ITGB2: variants seen among roughly 807,000 people sequenced by gnomAD.
The protein encoded by ITGB2 is integrin subunit beta 2.
In ITGB2, 56 loss-of-function variants were observed where a neutral mutation model predicts 86.8. The observed-to-expected ratio is 0.65, with a 90% confidence interval of 0.52 to 0.81. The LOEUF is 0.81. ITGB2 is among the 30% of genes least tolerant of loss of function. The pLI is 0.00. For missense variants in ITGB2, 948 were observed against 1,061.2 expected (o/e 0.89, Z 1.48); for synonymous variants, 457 against 450.4 (o/e 1.01, Z -0.19).
chr21:44,903,573 C>T, intron 4 of ITGB2, 38 bp from the exon 5 acceptor site: 6 of 1,612,614 alleles, frequency 3.7e-6, no homozygotes, highest in Non-Finnish European at 5.1e-6. Flanking sequence ...CCACACCTCA[C>T]ATCTCACACA....
chr21:44,927,094 C>T (rs1287959098), intron 1 of ITGB2: 3 of 152,474 alleles, frequency 2.0e-5, no homozygotes, highest in African/African-American at 7.2e-5. Context: ...CCCAGCTTCC[C>T]TTCGCCCAGC....
rs138714119 is a variant in ITGB2, at chr21:44,886,773, C to T, written c.2210G>A (p.Arg737His). The change falls in exon 15 of 16, where the codon CGC becomes CAC. Residue 737 changes from arginine to histidine, a missense_variant. Transcript: ENST00000652462. ...GGACTTGAGCTTCTCCTTCTCAAAG[C>T]GCCTGTACTCCCGGAGGTCGCTCAG... ...IHLSDLREYR[R>H]FEKEKLKSQW... 63 of 1,613,926 alleles carry T rather than the reference C, an allele frequency of 3.9e-5. No individual in the cohort carries two copies. Among genetic ancestry groups the T allele is most frequent in the Non-Finnish European group, 4.7e-5 (55 of 1,180,030 alleles).
chr21:44,906,034 G>C (rs1293808148), intron 4 of ITGB2, among the ~76,000 whole-genome samples: 1 of 152,036 alleles, frequency 6.6e-6, no homozygotes, highest in African/African-American at 2.4e-5. Context: ...ACTGTGGCCT[G>C]GGAGGTCACA....
rs193247485 is a variant in ITGB2 at position 44,893,990 on chromosome 21, G to C, written c.1084-446C>G. The C allele has an allele frequency of 2.7e-4, 80 of 294,172 alleles. 1 individual carries two copies. The highest frequency in any genetic ancestry group is 1.6e-3 in the African/African-American group (76 of 46,178). The allele number at this position is 294,172 out of a possible 1,614,324, so 18.2% of individuals were successfully genotyped here. A position where few individuals can be genotyped will look rare whatever the true frequency, so the allele number is the denominator to read the frequency against. ...GACAGAGACAGACAGAGATGGGGCAGAGACAGAGAGAGACAGACAGAGAGA... is the reference window on the plus strand; with the variant it reads ...GACAGAGACAGACAGAGATGGGGCACAGACAGAGAGAGACAGACAGAGAGA... On this transcript the variant is annotated intron_variant, in intron 9 of 15. Transcript: ENST00000652462.
At chr21:44,893,606 C>T (rs943873785) in intron 9 of ITGB2, 62 bp from the exon 10 acceptor site, 11 of 1,604,042 alleles carry the variant, frequency 6.9e-6, no homozygotes, top group Admixed American at 1.7e-5. Flanking sequence ...CCCTGCCTGG[C>T]CCAGCGGTTT....
At chr21:44,897,642 G>A (rs2083888732) in intron 8 of ITGB2, among the ~76,000 whole-genome samples, 1 of 152,220 alleles carries the variant, frequency 6.6e-6, no homozygotes, top group South Asian at 2.1e-4. Flanking sequence ...GGCGTCCTGT[G>A]GTAAGTAACA....
At chr21:44,897,120 C>G (rs183626601) in intron 8 of ITGB2, among the ~76,000 whole-genome samples, 6 of 152,322 alleles carry the variant, frequency 3.9e-5, no homozygotes, top group Non-Finnish European at 7.3e-5. Context: ...CTGCCCCCAT[C>G]CCGTGTCTCC....
chr21:44,889,953 G>T (rs2083761837), intron 12 of ITGB2, 25 bp downstream of exon 12: 1 of 1,612,418 alleles, frequency 6.2e-7, no homozygotes, highest in Non-Finnish European at 8.5e-7. Flanking sequence ...GACGGCCGTT[G>T]TCCAGCAGGG....
chr21:44,889,987 C>G lies in ITGB2; in HGVS notation c.1648G>C (p.Gly550Arg). The G allele has an allele frequency of 6.2e-7, 1 of 1,613,168 alleles. No homozygotes were observed. Among genetic ancestry groups the G allele is most frequent in the Non-Finnish European group, 8.5e-7 (1 of 1,180,000 alleles). ...NCERYNGQVC[G>R]GPGRGLCFCG... ...GGACCCACGGGCTCACCCGGGCCGCCGCAGACCTGGCCGTTGTAGCGCTCA... is the reference window on the plus strand; with the variant it reads ...GGACCCACGGGCTCACCCGGGCCGCGGCAGACCTGGCCGTTGTAGCGCTCA... Residue 550 changes from glycine to arginine, a missense_variant, in exon 12 of 16, where the codon GGC (glycine) becomes CGC (arginine). Gly to Arg is a moderately radical substitution (Grantham distance 125). Transcript: ENST00000652462.
rs138682103 is a variant in ITGB2 at position 44,906,932 on chromosome 21, G to T, written c.311C>A (p.Thr104Lys). 1.2e-6 allele frequency: 2 copies of T among 1,614,048 alleles called. No individual in the cohort carries two copies. The highest frequency in any genetic ancestry group is 8.5e-7 in the Non-Finnish European group (1 of 1,180,024). ...AAGCCTACCTGGTCGCAGGTAAAGC[G>T]TCACTTTTTGTGGGGACAGCTGCTT... The part of the protein sequence containing the change: ...GQKQLSPQKV[T>K]LYLRPGQAAA... Residue 104 changes from threonine (T) to lysine (K), a missense_variant, in exon 4 of 16, where the codon ACG becomes AAG. Coordinates refer to ENST00000652462, the MANE Select transcript of ITGB2 (RefSeq NM_000211.5).
chr21:44,887,956 C>T (rs552127969), intron 14 of ITGB2, among the ~76,000 whole-genome samples: 59 of 152,326 alleles, frequency 3.9e-4, no homozygotes, highest in South Asian at 1.0e-3. Flanking sequence ...TGATGGAGTC[C>T]GCCAGCGGCC....
At chr21:44,902,113 G>T (rs192511267) in intron 5 of ITGB2, among the ~76,000 whole-genome samples, 1 of 152,238 alleles carries the variant, frequency 6.6e-6, no homozygotes, top group Non-Finnish European at 1.5e-5. Flanking sequence ...GTGTGTGCAC[G>T]TATTCCTGTA....
At chr21:44,908,272 C>A (rs1286205208) in intron 3 of ITGB2, 1 of 573,972 alleles carries the variant, frequency 1.7e-6, no homozygotes, top group African/African-American at 1.9e-5. Flanking sequence ...TCTTCTCCAC[C>A]CCCTCCCCTT....
intron 10 of ITGB2, among the ~76,000 whole-genome samples, chr21:44,892,362 G>A (rs370025063): frequency 3.3e-4 from 49 of 147,450 alleles, no homozygotes; most frequent in African/African-American, 1.2e-3. Context: ...GCTCACGCCT[G>A]TAATCCCAGC....
intron 3 of ITGB2, among the ~76,000 whole-genome samples, chr21:44,909,825 T>C (rs2838734): frequency 0.39 from 58,685 of 152,136 alleles, 11,942 homozygotes; most frequent in Admixed American, 0.52. Context: ...CATTTCCTCT[T>C]GGCCACCTTG....
chr21:44,891,760 G>GT (rs781368522), intron 11 of ITGB2, 49 bp downstream of exon 11: 1 of 1,589,576 alleles, frequency 6.3e-7, no homozygotes, highest in Non-Finnish European at 8.5e-7. Flanking sequence ...CACCTGCCCT[G>GT]TGGGGTGGGG....
At position 44,886,129 on chromosome 21, in the gene ITGB2, C is replaced by G. The variant is rs2083694348; in HGVS notation, c.*239G>C. ...ACAGGAAACACGCACCTAACCTCAC[C>G]AACCTCAAGCCCTCCCTCCTCAAGT... is the stretch of plus-strand genomic sequence containing the variant. On this transcript the variant is annotated 3_prime_UTR_variant, in exon 16 of 16. Transcript: ENST00000652462. 1.7e-6 allele frequency: 1 copy of G among 583,468 alleles called. No individual in the cohort carries two copies. Among genetic ancestry groups the G allele is most frequent in the Admixed American group, 2.9e-5 (1 of 34,968 alleles). The allele number at this position is 583,468 out of a possible 1,614,324, so 36.1% of individuals were successfully genotyped here.
At chr21:44,919,827 AT>A in intron 1 of ITGB2, among the ~76,000 whole-genome samples, 1 of 151,670 alleles carries the variant, frequency 6.6e-6, no homozygotes, top group Non-Finnish European at 1.5e-5. Flanking sequence ...GGGAGGGGGG[AT>A]TGGGTGTGGG....
intron 1 of ITGB2, among the ~76,000 whole-genome samples, chr21:44,918,461 G>A (rs961954921): frequency 7.2e-5 from 11 of 152,218 alleles, no homozygotes; most frequent in African/African-American, 1.7e-4. Flanking sequence ...CAAGTTACAC[G>A]GTTGACTATA....
Sources: gnomAD v4.1 joint callset for allele counts (sites outside exome capture counted in the v4.1 genomes callset) on GRCh38, gnomAD v4.1.1 for gene constraint, MANE v1.5 for transcripts, NCBI Gene and HGNC (gene_info 2026-07-23, HGNC 2026-07-21) for gene names.